LYN: variants seen among roughly 807,000 people sequenced by gnomAD.
LYN encodes the protein tyrosine-protein kinase Lyn.
In LYN, 12 loss-of-function variants were observed where a neutral mutation model predicts 65.0. That is an observed-to-expected ratio of 0.18 (90% confidence interval 0.12 to 0.30). The LOEUF is 0.30. LYN is among the 10% of genes least tolerant of loss of function. LYN has a pLI of 1.00. For synonymous variants in LYN, 222 were observed against 221.2 expected, an observed-to-expected ratio of 1.00 and a Z score of -0.03; for missense variants, 380 against 623.2, an observed-to-expected ratio of 0.61 and a Z score of 4.16.
At chr8:55,923,574 C>T (rs1158749134) in intron 1 of LYN, among the ~76,000 whole-genome samples, 1 of 152,086 alleles carries the variant, frequency 6.6e-6, no homozygotes, top group Non-Finnish European at 1.5e-5. Flanking sequence ...GGGTCTTGCT[C>T]TGTCCCCACA....
chr8:55,981,412 A>G (rs545924180), intron 10 of LYN, among the ~76,000 whole-genome samples: 1 of 152,344 alleles, frequency 6.6e-6, no homozygotes, highest in East Asian at 1.9e-4. Flanking sequence ...TATACTGGCC[A>G]CTTAAAATGG....
At chr8:55,943,999 T>G (rs1383922502) in intron 2 of LYN, among the ~76,000 whole-genome samples, 1 of 151,530 alleles carries the variant, frequency 6.6e-6, no homozygotes, top group Non-Finnish European at 1.5e-5. Flanking sequence ...AGGAGAATTG[T>G]TTGAACCAGG....
chr8:55,924,145 C>A (rs1212238044), intron 1 of LYN, among the ~76,000 whole-genome samples: 1 of 151,496 alleles, frequency 6.6e-6, no homozygotes, highest in Non-Finnish European at 1.5e-5. Context: ...ATAGCATGAT[C>A]TAATGTTGAA....
chr8:55,938,034 C>T (rs1342516018), intron 1 of LYN, among the ~76,000 whole-genome samples: 1 of 152,124 alleles, frequency 6.6e-6, no homozygotes, highest in Non-Finnish European at 1.5e-5. Context: ...AAAATTATCC[C>T]AGAGTCTGGG....
At chr8:56,000,542 C>G (rs1024883235) in intron 12 of LYN, among the ~76,000 whole-genome samples, 1 of 151,818 alleles carries the variant, frequency 6.6e-6, no homozygotes, top group African/African-American at 2.4e-5. Flanking sequence ...GCCTGGCCAA[C>G]ATGGTGAAAC....
chr8:55,887,575 T>TAC (rs372547745), intron 1 of LYN, among the ~76,000 whole-genome samples: 5,793 of 93,372 alleles, frequency 0.062, 398 homozygotes, highest in African/African-American at 0.15. Context: ...TATATATATA[T>TAC]ACACACACAC....
chr8:55,942,909 C>G (rs1446128607), intron 2 of LYN, among the ~76,000 whole-genome samples: 1 of 152,050 alleles, frequency 6.6e-6, no homozygotes, highest in Non-Finnish European at 1.5e-5. Context: ...CATACTTTAT[C>G]CTGTCCTGTC....
chr8:55,898,495 C>T (rs1439912263), intron 1 of LYN, among the ~76,000 whole-genome samples: 3 of 152,094 alleles, frequency 2.0e-5, no homozygotes, highest in African/African-American at 7.2e-5. Flanking sequence ...CACCATGTTG[C>T]CCAGGCTGGT....
chr8:55,986,186 C>CCG (rs1490554514), intron 10 of LYN, among the ~76,000 whole-genome samples: 3 of 74,972 alleles, frequency 4.0e-5, no homozygotes, highest in Non-Finnish European at 5.1e-5. Context: ...CCACCAGAAT[C>CCG]CCCCCCGCAA....
chr8:55,953,736 G>A, intron 7 of LYN, 96 bp from the exon 8 acceptor site: 1 of 1,077,946 alleles, frequency 9.3e-7, no homozygotes, highest in Non-Finnish European at 1.3e-6. Flanking sequence ...GCGGCAGGTT[G>A]GACACTATAA....
chr8:55,880,022 G>A lies in LYN; in HGVS notation c.-87G>A, dbSNP rs532999958. 1.9e-5 allele frequency: 6 copies of A among 315,456 alleles called. No homozygotes were observed. In the East Asian group the frequency reaches 6.3e-4, roughly 33 times the overall value. 19.5% of individuals were successfully genotyped at this position (315,456 alleles called of 1,614,324 possible). A position where few individuals can be genotyped will look rare whatever the true frequency, so the allele number is the denominator to read the frequency against. On this transcript the variant is annotated 5_prime_UTR_variant, in exon 1 of 13. Coordinates refer to ENST00000519728, the MANE Select transcript of LYN (RefSeq NM_002350.4). The stretch of plus-strand genomic sequence containing the variant: ...AGCAGCCTCCCCATACGCAGGTCCT[G>A]CTGGGCCGCCCCGTCGCGCCCCCCA...
chr8:55,948,920 T>A (rs1440736012), intron 4 of LYN, among the ~76,000 whole-genome samples: 1 of 152,242 alleles, frequency 6.6e-6, no homozygotes, highest in Admixed American at 6.5e-5. Flanking sequence ...TAGTATTAGT[T>A]CTAGTTGCCT....
At chr8:55,938,658 C>T (rs1806510893) in intron 1 of LYN, among the ~76,000 whole-genome samples, 1 of 152,180 alleles carries the variant, frequency 6.6e-6, no homozygotes, top group Non-Finnish European at 1.5e-5. Context: ...TCATTATTGA[C>T]TCTTTTGTGG....
intron 4 of LYN, 112 bp from the exon 5 acceptor site, chr8:55,950,347 G>T: frequency 1.4e-6 from 1 of 703,738 alleles, no homozygotes; most frequent in East Asian, 2.6e-5. Flanking sequence ...TTTTTTAATT[G>T]ATATGTAATA....
Position 56,009,944 on chromosome 8 carries a change from A to G in LYN, c.1373A>G (p.Gln458Arg). ...TNADVMTALS[Q>R]GYRMPRVENC... is the part of the protein sequence containing the mutation. Reference sequence around the variant, plus strand: ...GCCGACGTGATGACCGCCCTGTCCCAGGGCTACAGGATGCCCCGTGTGGAG... The same window carrying G: ...GCCGACGTGATGACCGCCCTGTCCCGGGGCTACAGGATGCCCCGTGTGGAG... The change falls in exon 13 of 13, where the codon CAG (glutamine) becomes CGG (arginine). Residue 458 changes from glutamine (Q) to arginine (R), a missense_variant. Coordinates refer to ENST00000519728, the MANE Select transcript of LYN (RefSeq NM_002350.4). The G allele has an allele frequency of 1.2e-6, 2 of 1,614,006 alleles. No individual in the cohort carries two copies. Among genetic ancestry groups the G allele is most frequent in the Non-Finnish European group, 1.7e-6 (2 of 1,179,882 alleles).
At chr8:55,881,752 T>C (rs1804658902) in intron 1 of LYN, among the ~76,000 whole-genome samples, 1 of 152,232 alleles carries the variant, frequency 6.6e-6, no homozygotes, top group Non-Finnish European at 1.5e-5. Context: ...AGATTTCCTT[T>C]ATAGCAGCAG....
intron 12 of LYN, among the ~76,000 whole-genome samples, chr8:56,003,147 C>G (rs1329311941): frequency 6.6e-6 from 1 of 151,578 alleles, no homozygotes; most frequent in Non-Finnish European, 1.5e-5. Context: ...GCTAGCCCCA[C>G]CTCCCGGGTT....
chr8:55,916,983 C>T (rs1805794879), intron 1 of LYN, among the ~76,000 whole-genome samples: 1 of 151,808 alleles, frequency 6.6e-6, no homozygotes, highest in Non-Finnish European at 1.5e-5. Context: ...TCAAGACCAC[C>T]CTGGCCAACA....
At chr8:55,983,200 G>A (rs1807976435) in intron 10 of LYN, among the ~76,000 whole-genome samples, 1 of 151,958 alleles carries the variant, frequency 6.6e-6, no homozygotes. Context: ...CTGCCTGCTA[G>A]AAACAATGCC....
Sources: allele counts gnomAD v4.1 joint callset (sites outside exome capture counted in the v4.1 genomes callset), GRCh38; gene constraint gnomAD v4.1.1; transcripts MANE v1.5; gene names NCBI Gene and HGNC (gene_info 2026-07-23, HGNC 2026-07-21).